CERS3: variants seen among roughly 807,000 people sequenced by gnomAD.
CERS3 encodes the protein LAG1 homolog, ceramide synthase 3.
A neutral mutation model predicts 50.3 loss-of-function variants in CERS3; 33 were observed. The ratio of observed to expected loss-of-function variants is 0.66; its 90% CI spans 0.50 to 0.88. The LOEUF is 0.88. Among genes scored for constraint, CERS3 ranks in the 40% least tolerant of loss-of-function variants. CERS3 has a pLI of 0.00. For missense variants in CERS3, 470 were observed against 460.3 expected (o/e 1.02, Z -0.19); for synonymous variants, 176 against 155.2 (o/e 1.13, Z -0.99).
chr15:100,516,109 T>C (rs774871110), intron 2 of CERS3, among the ~76,000 whole-genome samples: 19 of 152,314 alleles, frequency 1.2e-4, no homozygotes, highest in Middle Eastern at 3.4e-3. Flanking sequence ...ATTGCCTTAG[T>C]GTCTGCAAAG....
At chr15:100,458,436 A>G (rs2034444326) in intron 10 of CERS3, among the ~76,000 whole-genome samples, 1 of 152,140 alleles carries the variant, frequency 6.6e-6, no homozygotes, top group East Asian at 1.9e-4. Flanking sequence ...AAATATAAAA[A>G]TTAGCCAGGT....
chr15:100,497,194 G>A (rs1331029450), intron 3 of CERS3, among the ~76,000 whole-genome samples: 1 of 151,732 alleles, frequency 6.6e-6, no homozygotes, highest in Non-Finnish European at 1.5e-5. Flanking sequence ...AGTGCATGGG[G>A]AAAAAAAGGA....
intron 10 of CERS3, among the ~76,000 whole-genome samples, chr15:100,466,827 C>CTCTCCCTG (rs2034749114): frequency 4.6e-5 from 1 of 21,792 alleles, no homozygotes; most frequent in African/African-American, 1.1e-4. Flanking sequence ...CTCTCTCCCT[C>CTCTCCCTG]TCTCCCTCTC....
At chr15:100,438,035 ACT>A (rs1491474464) in intron 11 of CERS3, 2 of 82,666 alleles carry the variant, frequency 2.4e-5, no homozygotes, top group African/African-American at 7.7e-5. Flanking sequence ...TTATGTACCC[ACT>A]TTTTTTTTTT....
chr15:100,522,552 T>C (rs2036668252), intron 1 of CERS3, among the ~76,000 whole-genome samples: 1 of 152,208 alleles, frequency 6.6e-6, no homozygotes, highest in East Asian at 1.9e-4. Flanking sequence ...GTAAATACGA[T>C]TGTTTTGAGC....
chr15:100,473,128 A>G, intron 8 of CERS3, 76 bp from the exon 9 acceptor site: 1 of 1,436,802 alleles, frequency 7.0e-7, no homozygotes, highest in Non-Finnish European at 9.4e-7. Context: ...TAATCATAAT[A>G]ATAATGAGAC....
intron 1 of CERS3, among the ~76,000 whole-genome samples, chr15:100,541,260 T>C: frequency 6.6e-6 from 1 of 152,112 alleles, no homozygotes; most frequent in East Asian, 1.9e-4. Context: ...TCACCTGAGG[T>C]TGGGAGTTTG....
chr15:100,464,887 C>A (rs1297222576), intron 10 of CERS3, among the ~76,000 whole-genome samples: 3 of 152,178 alleles, frequency 2.0e-5, no homozygotes, highest in African/African-American at 7.2e-5. Flanking sequence ...ACGTAACTAA[C>A]TCTTGCAGAT....
At chr15:100,514,021 G>A (rs55795619) in intron 2 of CERS3, among the ~76,000 whole-genome samples, 49,204 of 151,922 alleles carry the variant, frequency 0.32, 8,130 homozygotes, top group East Asian at 0.37. Context: ...ATACCACAGC[G>A]GTCAAGCACA....
intron 5 of CERS3, among the ~76,000 whole-genome samples, 159 bp from the exon 6 acceptor site, chr15:100,480,205 AC>A (rs2035256636): frequency 6.6e-6 from 1 of 152,204 alleles, no homozygotes; most frequent in Non-Finnish European, 1.5e-5. Flanking sequence ...GATGGTTACA[AC>A]CTTAGGTAAA....
intron 10 of CERS3, among the ~76,000 whole-genome samples, chr15:100,462,309 G>T (rs908224549): frequency 2.6e-5 from 4 of 152,264 alleles, no homozygotes; most frequent in Non-Finnish European, 5.9e-5. Context: ...GAGTTGGCAT[G>T]GTTTGAATAA....
chr15:100,423,935 C>A (rs979780617), intron 11 of CERS3, among the ~76,000 whole-genome samples: 5 of 149,306 alleles, frequency 3.3e-5, no homozygotes, highest in Admixed American at 6.6e-5. Context: ...TCTCATATTT[C>A]TTTCTTTCTT....
intron 2 of CERS3, among the ~76,000 whole-genome samples, chr15:100,504,658 T>C (rs2036121190): frequency 6.6e-6 from 1 of 152,156 alleles, no homozygotes; most frequent in Non-Finnish European, 1.5e-5. Flanking sequence ...AAAGACTTAG[T>C]GATACTTCCT....
intron 1 of CERS3, among the ~76,000 whole-genome samples, chr15:100,534,148 C>G (rs1446527775): frequency 6.6e-6 from 1 of 152,194 alleles, no homozygotes; most frequent in Non-Finnish European, 1.5e-5. Flanking sequence ...TTTGTGAATA[C>G]AGCCCCTGGT....
chr15:100,544,365 G>C (rs1447664567), intron 1 of CERS3: 2 of 140,690 alleles, frequency 1.4e-5, no homozygotes, highest in Admixed American at 1.5e-4. Context: ...ACCTGCGCGG[G>C]GACACGGGCC....
At chr15:100,407,686 G>T (rs963703709) in intron 11 of CERS3, among the ~76,000 whole-genome samples, 2 of 152,158 alleles carry the variant, frequency 1.3e-5, no homozygotes, top group Non-Finnish European at 2.9e-5. Flanking sequence ...AAGAATGGTT[G>T]TATCAGTACT....
intron 1 of CERS3, among the ~76,000 whole-genome samples, chr15:100,527,977 G>A (rs1251701666): frequency 2.0e-5 from 3 of 152,180 alleles, no homozygotes; most frequent in African/African-American, 7.2e-5. Context: ...CAATGAAAAT[G>A]TGAAGTTTAA....
chr15:100,476,216 T>C (rs1294190124), intron 7 of CERS3, 38 bp from the exon 8 acceptor site: 2 of 1,381,930 alleles, frequency 1.4e-6, no homozygotes, highest in African/African-American at 1.5e-5. Context: ...TTAAATGCCA[T>C]CATAGAAGCA....
chr15:100,452,329 A>G (rs1452651928), intron 11 of CERS3, among the ~76,000 whole-genome samples: 1 of 152,202 alleles, frequency 6.6e-6, no homozygotes, highest in African/African-American at 2.4e-5. Flanking sequence ...AGAAACTTTG[A>G]AAACTGTATG....
Sources: allele counts gnomAD v4.1 joint callset (sites outside exome capture counted in the v4.1 genomes callset), GRCh38; gene constraint gnomAD v4.1.1; transcripts MANE v1.5; gene names NCBI Gene and HGNC (gene_info 2026-07-23, HGNC 2026-07-21).